RBFOX1: variants seen among roughly 807,000 people sequenced by gnomAD.
The protein encoded by RBFOX1 is RNA binding fox-1 homolog 1.
A neutral mutation model predicts 57.7 loss-of-function variants in RBFOX1; 8 were observed. That is an observed-to-expected ratio of 0.14 (90% CI 0.08 to 0.25). The LOEUF (loss-of-function observed/expected upper bound fraction) is 0.25, where lower values mean the gene tolerates loss of function less well. RBFOX1 is among the 10% of genes least tolerant of loss of function. RBFOX1 has a pLI of 1.00. For missense variants in RBFOX1, 611 were observed against 548.5 expected (o/e 1.11, Z -1.14); for synonymous variants, 326 against 222.4 (o/e 1.47, Z -4.15).
chr16:6,686,402 A>G lies in RBFOX1; in HGVS notation c.-16+31752A>G, dbSNP rs548212372. 2.0e-5 allele frequency among the ~76,000 whole-genome samples: 3 copies of G among 152,342 alleles called. No individual in the cohort carries two copies. In the South Asian group the frequency reaches 6.2e-4, roughly 32 times the overall value. On this transcript the variant is annotated intron_variant, in intron 3 of 15. Transcript: ENST00000550418. Reference sequence around the variant, plus strand: ...GGCCATTCAGTTTCATGTCGATGACAGTACACCTAAGAACTGCTATGCGCA... The same window carrying G: ...GGCCATTCAGTTTCATGTCGATGACGGTACACCTAAGAACTGCTATGCGCA...
chr16:5,937,778 G>C (rs1168031215), intron 4 of RBFOX1, among the ~76,000 whole-genome samples: 1 of 148,746 alleles, frequency 6.7e-6, no homozygotes, highest in Non-Finnish European at 1.5e-5. Context: ...TGTATATAAT[G>C]TATATATAAA....
At chr16:6,559,278 CAG>C (rs922948855) in intron 2 of RBFOX1, among the ~76,000 whole-genome samples, 1 of 152,000 alleles carries the variant, frequency 6.6e-6, no homozygotes, top group African/African-American at 2.4e-5. Context: ...AACACCCAAA[CAG>C]GGGTTTATTC....
chr16:6,894,830 G>C (rs191218184), intron 3 of RBFOX1, among the ~76,000 whole-genome samples: 12 of 152,252 alleles, frequency 7.9e-5, no homozygotes, highest in African/African-American at 2.6e-4. Context: ...TAGTAGTCCA[G>C]AATAAGACAT....
At position 6,560,194 on chromosome 16, in the gene RBFOX1, A is replaced by AAT. The variant is rs1381865521; in HGVS notation, c.-63-94409_-63-94408insAT. On this transcript the variant is annotated intron_variant, in intron 2 of 15. Transcript: ENST00000550418. ...TTTATCAAAAAAAAAAAAAAAAAAA[A>AAT]GTCAAGCCCTCATGAAGTCAATATT... 2.9e-3 allele frequency among the ~76,000 whole-genome samples: 407 copies of AAT among 140,414 alleles called. 1 individual carries two copies. Among genetic ancestry groups the AAT allele is most frequent in the African/African-American group, 0.011 (395 of 36,968 alleles). 92.1% of individuals were successfully genotyped at this position (140,414 alleles called of 152,430 possible).
At chr16:5,800,427 GGT>G (rs928650478) in intron 3 of RBFOX1, among the ~76,000 whole-genome samples, 4 of 152,298 alleles carry the variant, frequency 2.6e-5, no homozygotes, top group African/African-American at 9.6e-5. Context: ...GGGAGGGGCA[GGT>G]TGTGAACAGG....
chr16:7,702,729 C>A (rs910496405), intron 14 of RBFOX1, among the ~76,000 whole-genome samples: 1 of 152,200 alleles, frequency 6.6e-6, no homozygotes, highest in Admixed American at 6.5e-5. Context: ...AAACACAGAA[C>A]ACTTGGTCTG....
chr16:7,136,951 A>G (rs1379346999), intron 4 of RBFOX1, among the ~76,000 whole-genome samples: 2 of 152,194 alleles, frequency 1.3e-5, no homozygotes, highest in Non-Finnish European at 2.9e-5. Context: ...GTCATGGCCC[A>G]TGGGCCAGGA....
chr16:5,617,184 G>T (rs1056891564), intron 3 of RBFOX1, among the ~76,000 whole-genome samples: 2 of 151,858 alleles, frequency 1.3e-5, no homozygotes, highest in Admixed American at 6.6e-5. Flanking sequence ...TTGAGGCTCT[G>T]TGCCAACATC....
At chr16:5,785,866 A>T (rs1423612908) in intron 3 of RBFOX1, among the ~76,000 whole-genome samples, 18 of 152,054 alleles carry the variant, frequency 1.2e-4, no homozygotes, top group Non-Finnish European at 5.9e-5. Flanking sequence ...GCCTCTCTTC[A>T]TTCCCACTGT....
chr16:5,399,644 G>A (rs1165443217), intron 1 of RBFOX1, among the ~76,000 whole-genome samples: 1 of 152,020 alleles, frequency 6.6e-6, no homozygotes. Context: ...GATGAGGTGG[G>A]AGGATTACCT....
chr16:5,987,045 T>C (rs2060298898), intron 4 of RBFOX1, among the ~76,000 whole-genome samples: 1 of 152,208 alleles, frequency 6.6e-6, no homozygotes, highest in South Asian at 2.1e-4. Context: ...GGGATTGTCA[T>C]TATTTTTAAT....
intron 1 of RBFOX1, among the ~76,000 whole-genome samples, chr16:6,215,122 AAG>A (rs1319669549): frequency 1.2e-4 from 11 of 94,936 alleles, no homozygotes; most frequent in African/African-American, 4.6e-4. Context: ...AGTAGAGGGG[AAG>A]AGAGAAGGAG....
intron 1 of RBFOX1, among the ~76,000 whole-genome samples, chr16:6,063,387 G>T (rs903914805): frequency 6.6e-6 from 1 of 151,794 alleles, no homozygotes; most frequent in African/African-American, 2.4e-5. Flanking sequence ...CCAGTGTGGA[G>T]CATATCAGGA....
intron 10 of RBFOX1, among the ~76,000 whole-genome samples, chr16:7,626,045 A>G (rs541389144): frequency 5.9e-5 from 9 of 152,332 alleles, no homozygotes; most frequent in African/African-American, 2.2e-4. Flanking sequence ...ACAAAGGTAC[A>G]TAGATAGGGT....
intron 3 of RBFOX1, among the ~76,000 whole-genome samples, chr16:5,855,038 T>G (rs143491606): frequency 3.9e-5 from 6 of 152,352 alleles, no homozygotes; most frequent in Admixed American, 2.6e-4. Context: ...GAAAAATGTC[T>G]GTTCAAATCC....
intron 3 of RBFOX1, among the ~76,000 whole-genome samples, chr16:6,762,830 C>A (rs189469950): frequency 1.1e-4 from 16 of 152,234 alleles, no homozygotes; most frequent in Middle Eastern, 6.8e-3. Context: ...CAGGTGTTAC[C>A]AGAGTCATAG....
chr16:7,676,880 T>C (rs770522266), intron 14 of RBFOX1, 42 bp downstream of exon 14: 1 of 1,546,976 alleles, frequency 6.5e-7, no homozygotes, highest in Non-Finnish European at 8.9e-7. Context: ...ACTTGTAAAT[T>C]AACTTAGTTG....
intron 1 of RBFOX1, among the ~76,000 whole-genome samples, chr16:6,216,498 T>C (rs892112363): frequency 1.3e-5 from 2 of 152,154 alleles, no homozygotes; most frequent in African/African-American, 4.8e-5. Flanking sequence ...AGAGTGACCC[T>C]CTGTATTTGG....
chr16:6,812,297 G>T (rs555045739), intron 3 of RBFOX1, among the ~76,000 whole-genome samples: 1 of 152,256 alleles, frequency 6.6e-6, no homozygotes, highest in Non-Finnish European at 1.5e-5. Flanking sequence ...AAGCTAGGAC[G>T]GTCTACTAAC....
Sources: gnomAD v4.1 joint callset for allele counts (sites outside exome capture counted in the v4.1 genomes callset) on GRCh38, gnomAD v4.1.1 for gene constraint, MANE v1.5 for transcripts, NCBI Gene and HGNC (gene_info 2026-07-23, HGNC 2026-07-21) for gene names.